The following SEZ6L variants were observed in gnomAD, a reference collection of about 807,000 sequenced individuals.
The protein encoded by SEZ6L is seizure 6-like protein.
Under a neutral mutation model 106.2 loss-of-function variants are expected in SEZ6L, and 37 were observed. That is an observed-to-expected ratio of 0.35 (90% CI 0.27 to 0.46). The LOEUF is 0.46. SEZ6L is among the 20% of genes least tolerant of loss of function. The pLI, the probability that SEZ6L is intolerant of heterozygous loss-of-function variation, is 1.00. For missense variants in SEZ6L, 1,172 were observed against 1,332.8 expected (o/e 0.88, Z 1.88); for synonymous variants, 541 against 570.4 (o/e 0.95, Z 0.73).
At chr22:26,302,411 T>C (rs2081484491) in intron 5 of SEZ6L, among the ~76,000 whole-genome samples, 1 of 152,194 alleles carries the variant, frequency 6.6e-6, no homozygotes, top group Admixed American at 6.5e-5. Flanking sequence ...AAAACCCTTT[T>C]AGAATTCTCA....
At chr22:26,369,288 A>G (rs1260227388) in intron 13 of SEZ6L, among the ~76,000 whole-genome samples, 1 of 151,028 alleles carries the variant, frequency 6.6e-6, no homozygotes, top group Non-Finnish European at 1.5e-5. Flanking sequence ...TAATCTTACC[A>G]GGTATCAAGC....
chr22:26,253,664 A>C (rs1444864368), intron 1 of SEZ6L, among the ~76,000 whole-genome samples: 1 of 152,228 alleles, frequency 6.6e-6, no homozygotes, highest in Non-Finnish European at 1.5e-5. Context: ...TGAACTATTT[A>C]GTTAAATTTA....
intron 1 of SEZ6L, among the ~76,000 whole-genome samples, chr22:26,274,440 C>A (rs754823650): frequency 6.6e-6 from 1 of 152,194 alleles, no homozygotes; most frequent in African/African-American, 2.4e-5. Context: ...TCATCACCAC[C>A]ATCATCATCA....
intron 10 of SEZ6L, among the ~76,000 whole-genome samples, chr22:26,346,693 C>A (rs980330972): frequency 6.6e-6 from 1 of 152,192 alleles, no homozygotes; most frequent in East Asian, 1.9e-4. Flanking sequence ...TCAATGCCAA[C>A]TGTTGACAGG....
intron 9 of SEZ6L, among the ~76,000 whole-genome samples, chr22:26,328,787 A>G (rs115284377): frequency 0.011 from 1,602 of 152,142 alleles, 21 homozygotes; most frequent in African/African-American, 0.036. Flanking sequence ...GGAGGAGGAG[A>G]TGGAGAAAAG....
chr22:26,222,305 C>T (rs1353004394), intron 1 of SEZ6L, among the ~76,000 whole-genome samples: 2 of 152,170 alleles, frequency 1.3e-5, no homozygotes, highest in South Asian at 2.1e-4. Context: ...CCTAACTTTA[C>T]AGATGGAGCA....
At chr22:26,191,049 T>C (rs944923181) in intron 1 of SEZ6L, among the ~76,000 whole-genome samples, 33 of 152,172 alleles carry the variant, frequency 2.2e-4, no homozygotes, top group African/African-American at 5.3e-4. Context: ...GACAGAGGCA[T>C]GTCAGTTTAG....
At chr22:26,232,538 C>A (rs532155039) in intron 1 of SEZ6L, among the ~76,000 whole-genome samples, 1 of 152,290 alleles carries the variant, frequency 6.6e-6, no homozygotes, top group Non-Finnish European at 1.5e-5. Context: ...CAATGGGGAT[C>A]TCATCACATT....
chr22:26,267,942 G>T (rs1399499605), intron 1 of SEZ6L, among the ~76,000 whole-genome samples: 2 of 152,166 alleles, frequency 1.3e-5, no homozygotes, highest in Non-Finnish European at 2.9e-5. Flanking sequence ...TGGACCATTG[G>T]CATCAAAGAC....
intron 1 of SEZ6L, among the ~76,000 whole-genome samples, chr22:26,207,395 C>T (rs1412778419): frequency 6.6e-6 from 1 of 152,204 alleles, no homozygotes; most frequent in Non-Finnish European, 1.5e-5. Flanking sequence ...CCCTCAATTT[C>T]TTCATCAATG....
At chr22:26,309,779 A>G (rs2081756629) in intron 6 of SEZ6L, among the ~76,000 whole-genome samples, 2 of 152,124 alleles carry the variant, frequency 1.3e-5, no homozygotes, top group African/African-American at 4.8e-5. Context: ...GGGTTTCACC[A>G]TGTTGGCCAG....
At chr22:26,173,427 A>G (rs1305652597) in intron 1 of SEZ6L, among the ~76,000 whole-genome samples, 1 of 152,180 alleles carries the variant, frequency 6.6e-6, no homozygotes, top group African/African-American at 2.4e-5. Flanking sequence ...CCTGGTGCAG[A>G]CACCCTTCCC....
chr22:26,253,640 C>T (rs748015997), intron 1 of SEZ6L, among the ~76,000 whole-genome samples: 6 of 152,024 alleles, frequency 3.9e-5, no homozygotes, highest in Admixed American at 1.3e-4. Context: ...ATCATTAGTG[C>T]GTTATTATTT....
intron 1 of SEZ6L, among the ~76,000 whole-genome samples, chr22:26,246,883 A>C (rs1222954193): frequency 6.6e-6 from 1 of 152,192 alleles, no homozygotes; most frequent in Non-Finnish European, 1.5e-5. Flanking sequence ...TCCTTATGGC[A>C]CCGTCTGGGT....
At chr22:26,352,017 C>T (rs751769562) in intron 12 of SEZ6L, among the ~76,000 whole-genome samples, 1 of 152,064 alleles carries the variant, frequency 6.6e-6, no homozygotes, top group African/African-American at 2.4e-5. Context: ...AGAAATTAGC[C>T]AGGCATGGTG....
intron 1 of SEZ6L, among the ~76,000 whole-genome samples, chr22:26,208,573 T>C (rs906464449): frequency 5.9e-5 from 9 of 152,210 alleles, no homozygotes; most frequent in Non-Finnish European, 1.5e-5. Context: ...TTATCATGCA[T>C]ATGCATACAA....
chr22:26,336,880 A>G (rs539776315), intron 9 of SEZ6L, among the ~76,000 whole-genome samples: 1 of 152,210 alleles, frequency 6.6e-6, no homozygotes, highest in East Asian at 1.9e-4. Context: ...GACATAAATC[A>G]TCTGATGTCA....
chr22:26,321,377 C>A (rs1007467766), intron 9 of SEZ6L, among the ~76,000 whole-genome samples: 2 of 152,208 alleles, frequency 1.3e-5, no homozygotes, highest in Non-Finnish European at 2.9e-5. Flanking sequence ...GCGGTGAATG[C>A]GACTCAGCAG....
At chr22:26,194,572 T>C (rs1247655496) in intron 1 of SEZ6L, among the ~76,000 whole-genome samples, 1 of 152,200 alleles carries the variant, frequency 6.6e-6, no homozygotes, top group Non-Finnish European at 1.5e-5. Flanking sequence ...GAATCAGCAA[T>C]GAATCAACCA....
Sources: gnomAD v4.1 joint callset for allele counts (sites outside exome capture counted in the v4.1 genomes callset) on GRCh38, gnomAD v4.1.1 for gene constraint, MANE v1.5 for transcripts, NCBI Gene and HGNC (gene_info 2026-07-23, HGNC 2026-07-21) for gene names.